The following HNF1A variants were observed in gnomAD, a reference collection of about 807,000 sequenced individuals.
The protein encoded by HNF1A is hepatocyte nuclear factor 1-alpha.
HNF1A carries 21 observed loss-of-function variants against 62.2 expected under a neutral mutation model. The ratio of observed to expected loss-of-function variants is 0.34; its 90% CI spans 0.24 to 0.49. The LOEUF is 0.49. HNF1A is among the 20% of genes least tolerant of loss of function. HNF1A has a pLI of 0.99. For missense variants in HNF1A, 687 were observed against 832.3 expected (o/e 0.83, Z 2.15); for synonymous variants, 374 against 366.8 (o/e 1.02, Z -0.22).
At chr12:120,983,954 G>GTGTGTGTGTT (rs1876382605) in intron 1 of HNF1A, among the ~76,000 whole-genome samples, 1 of 151,854 alleles carries the variant, frequency 6.6e-6, no homozygotes, top group Non-Finnish European at 1.5e-5. Context: ...GTGTGTTTGT[G>GTGTGTGTGTT]TAAGAGACAC....
At chr12:120,981,896 G>A (rs1192635698) in intron 1 of HNF1A, among the ~76,000 whole-genome samples, 2 of 152,196 alleles carry the variant, frequency 1.3e-5, no homozygotes, top group African/African-American at 4.8e-5. Context: ...GCAGGAATGA[G>A]TGAGTGACTG....
intron 3 of HNF1A, 111 bp downstream of exon 3, chr12:120,993,817 C>A: frequency 8.8e-7 from 1 of 1,133,584 alleles, no homozygotes; most frequent in East Asian, 2.6e-5. Context: ...CCGAGAACTC[C>A]TGATATTGGC....
intron 2 of HNF1A, among the ~76,000 whole-genome samples, chr12:120,990,043 C>A (rs1461430022): frequency 6.6e-6 from 1 of 152,136 alleles, no homozygotes; most frequent in Non-Finnish European, 1.5e-5. Context: ...GGCCTCATAC[C>A]CCACCAAATC....
In HNF1A at chr12:120,980,926, T is replaced by C. The variant is rs2135822599; in HGVS notation, c.326+1832T>C. ...AGGCGCCCCAAGCTTGCAAGGAGGC[T>C]GGAGTGCTTCCCGCCTGCCCCGATT... is the stretch of plus-strand genomic sequence containing the variant. On this transcript the variant is annotated intron_variant, in intron 1 of 9. Coordinates refer to ENST00000257555, the MANE Select transcript of HNF1A (RefSeq NM_000545.8). The C allele has an allele frequency of 1.3e-5, 2 of 152,196 alleles. 1 individual carries two copies. The highest frequency in any genetic ancestry group is 4.2e-4 in the South Asian group (2 of 4,814). 9.4% of individuals were successfully genotyped at this position (152,196 alleles called of 1,614,324 possible).
At position 120,978,910 on chromosome 12, in the gene HNF1A, G is replaced by A. The variant is rs772222326; in HGVS notation, c.142G>A (p.Glu48Lys). 1.2e-4 allele frequency: 196 copies of A among 1,612,500 alleles called. No homozygotes were observed. The highest frequency in any genetic ancestry group is 1.5e-4 in the Non-Finnish European group (174 of 1,179,442). The change falls in exon 1 of 10, where the codon GAG (glutamate) becomes AAG (lysine). Residue 48 changes from glutamate (E) to lysine (K), a missense_variant. Glu to Lys is a moderately conservative substitution (Grantham distance 56, BLOSUM62 1). Around this residue, in one of 5 missense-constraint regions of HNF1A, gnomAD observed 159 missense variants for 154.4 expected, o/e 1.03. Coordinates refer to ENST00000257555, the MANE Select transcript of HNF1A (RefSeq NM_000545.8). ...LAGEGPLDKG[E>K]SCGGGRGELA... The stretch of plus-strand genomic sequence containing the variant: ...TGGAGAAGGCCCCCTGGACAAGGGG[G>A]AGTCCTGCGGCGGCGGTCGAGGGGA...
chr12:120,982,123 T>TCCGC (rs1876278328), intron 1 of HNF1A, among the ~76,000 whole-genome samples: 1 of 151,992 alleles, frequency 6.6e-6, no homozygotes, highest in Non-Finnish European at 1.5e-5. Context: ...CCGGCTGGAG[T>TCCGC]GCATGGCGCG....
At chr12:120,982,089 G>T (rs1876274772) in intron 1 of HNF1A, among the ~76,000 whole-genome samples, 3 of 151,610 alleles carry the variant, frequency 2.0e-5, no homozygotes, top group Admixed American at 2.0e-4. Flanking sequence ...TGTTATTTTT[G>T]AGACGGAGTC....
At chr12:120,998,347 C>T (rs1230469136) in intron 7 of HNF1A, 1 of 158,982 alleles carries the variant, frequency 6.3e-6, no homozygotes, top group Non-Finnish European at 1.4e-5. Flanking sequence ...ACACTCCCAG[C>T]AGGGTTTGAG....
At position 120,978,703 on chromosome 12, in the gene HNF1A, C is replaced by T. The variant is rs1038779132; in HGVS notation, c.-66C>T. 1.3e-6 allele frequency: 2 copies of T among 1,491,278 alleles called. No homozygotes were observed. Among genetic ancestry groups the T allele is most frequent in the South Asian group, 2.3e-5 (2 of 88,258 alleles). The allele number at this position is 1,491,278 out of a possible 1,614,324, so 92.4% of individuals were successfully genotyped here. A position where few individuals can be genotyped will look rare whatever the true frequency, so the allele number is the denominator to read the frequency against. ...TCTGCCGGCCGGCAGGCAAACGCAA[C>T]CCACGCGGTGGGGGAGGCGGCTAGC... On this transcript the variant is annotated 5_prime_UTR_variant, in exon 1 of 10. Transcript: ENST00000257555.
chr12:120,991,675 G>T (rs1876847503), intron 2 of HNF1A, among the ~76,000 whole-genome samples: 2 of 152,070 alleles, frequency 1.3e-5, no homozygotes, highest in African/African-American at 4.8e-5. Context: ...GACAACTCTA[G>T]TCCTTACTCT....
rs1335086732 is a variant in HNF1A, at chr12:121,002,443, T to G, written c.*1251T>G. 1.9e-6 allele frequency: 1 copy of G among 530,994 alleles called. No individual in the cohort carries two copies. The highest frequency in any genetic ancestry group is 2.2e-5 in the Admixed American group (1 of 44,822). The allele number at this position is 530,994 out of a possible 1,614,324, so 32.9% of individuals were successfully genotyped here. ...GGGGTGACCCGGCACCCCCTGCAGC[T>G]TGTAGCCAGCCGGGGCGAGTGGCAC... On this transcript the variant is annotated 3_prime_UTR_variant, in exon 10 of 10. Transcript: ENST00000257555.
At chr12:120,991,315 C>T (rs534711023) in intron 2 of HNF1A, among the ~76,000 whole-genome samples, 31 of 152,268 alleles carry the variant, frequency 2.0e-4, no homozygotes, top group African/African-American at 6.7e-4. Context: ...GTATGCAGGC[C>T]GGGCGCAGTG....
At chr12:121,000,851 A>G in intron 9 of HNF1A, 1 of 616,636 alleles carries the variant, frequency 1.6e-6, no homozygotes, top group Non-Finnish European at 2.9e-6. Context: ...TCACACTAAG[A>G]TGTACTCAGG....
chr12:120,994,115 G>T (rs2135840817), intron 3 of HNF1A, 49 bp from the exon 4 acceptor site: 1 of 1,599,228 alleles, frequency 6.3e-7, no homozygotes, highest in African/African-American at 1.3e-5. Context: ...GCCCAGGACA[G>T]GGTTCCTCTG....
chr12:120,987,832 C>T (rs1876597458), intron 1 of HNF1A, among the ~76,000 whole-genome samples: 1 of 152,086 alleles, frequency 6.6e-6, no homozygotes, highest in South Asian at 2.1e-4. Flanking sequence ...ACCCTAATCA[C>T]TGGCAGTAAA....
Position 121,001,676 on chromosome 12 carries a change from T to G in HNF1A, c.*484T>G. On this transcript the variant is annotated 3_prime_UTR_variant, in exon 10 of 10. Transcript: ENST00000257555. The stretch of plus-strand genomic sequence containing the variant: ...GTCACCAATGTACCCACCGGGCCAC[T>G]CCTTCCTGCCCCAACTCCTTCCAGC... 2.1e-6 allele frequency: 1 copy of G among 467,932 alleles called. No individual in the cohort carries two copies. Among genetic ancestry groups the G allele is most frequent in the South Asian group, 1.9e-5 (1 of 53,920 alleles). The allele number at this position is 467,932 out of a possible 1,614,324, so 29.0% of individuals were successfully genotyped here. A position where few individuals can be genotyped will look rare whatever the true frequency, so the allele number is the denominator to read the frequency against.
intron 2 of HNF1A, among the ~76,000 whole-genome samples, chr12:120,993,288 G>A (rs1171601017): frequency 6.6e-6 from 1 of 152,204 alleles, no homozygotes; most frequent in Non-Finnish European, 1.5e-5. Context: ...GGGTTGGTAG[G>A]AAAGCATTCA....
rs1877554976 is a variant in HNF1A, at chr12:121,002,341, T to G, written c.*1149T>G. On this transcript the variant is annotated 3_prime_UTR_variant, in exon 10 of 10. Coordinates refer to ENST00000257555, the MANE Select transcript of HNF1A (RefSeq NM_000545.8). ...GCCTGTGAACCCAGGACAAGCATGG[T>G]CCCACATCCCTGGGCCTGCTGCTGA... is the stretch of plus-strand genomic sequence containing the variant. The G allele has an allele frequency of 2.1e-6, 1 of 471,436 alleles. No individual in the cohort carries two copies. Among genetic ancestry groups the G allele is most frequent in the Non-Finnish European group, 4.0e-6 (1 of 246,920 alleles). 29.2% of individuals were successfully genotyped at this position (471,436 alleles called of 1,614,324 possible).
intron 2 of HNF1A, among the ~76,000 whole-genome samples, chr12:120,991,605 TATGTATGTATGTATGTATGTATG>T (rs952027297): frequency 0.14 from 13 of 92 alleles, no homozygotes; most frequent in South Asian, 0.33. Context: ...TAAATGTATG[TATGTATGTATGTATGTATGTATG>T]ATGTATGTAT....
Sources: gnomAD v4.1 joint callset for allele counts (sites outside exome capture counted in the v4.1 genomes callset) on GRCh38, gnomAD v4.1.1 for gene constraint, gnomAD v4.1.1 regional missense constraint, MANE v1.5 for transcripts, NCBI Gene and HGNC (gene_info 2026-07-23, HGNC 2026-07-21) for gene names.